RASEF: variants seen among roughly 807,000 people sequenced by gnomAD.
The protein encoded by RASEF is ras and EF-hand domain-containing protein.
RASEF carries 68 observed loss-of-function variants against 90.1 expected under a neutral mutation model. The ratio of observed to expected loss-of-function variants is 0.75; its 90% CI spans 0.62 to 0.92. The LOEUF is 0.92. RASEF is among the 40% of genes least tolerant of loss of function. The pLI, the probability that RASEF is intolerant of heterozygous loss-of-function variation, is 0.00. For missense variants in RASEF, 949 were observed against 937.2 expected (o/e 1.01, Z -0.16); for synonymous variants, 331 against 345.2 (o/e 0.96, Z 0.46).
intron 4 of RASEF, among the ~76,000 whole-genome samples, chr9:83,013,009 T>C (rs1270283034): frequency 1.3e-5 from 2 of 152,198 alleles, no homozygotes; most frequent in Admixed American, 1.3e-4. Flanking sequence ...ATAACTAAAA[T>C]CAATAAAATC....
At position 82,982,607 on chromosome 9, in the gene RASEF, A is replaced by G. The variant is rs1828628692; in HGVS notation, c.*70T>C. 2.2e-6 allele frequency: 2 copies of G among 897,638 alleles called. No homozygotes were observed. The highest frequency in any genetic ancestry group is 3.3e-5 in the African/African-American group (2 of 61,116). The allele number at this position is 897,638 out of a possible 1,614,324, so 55.6% of individuals were successfully genotyped here. On this transcript the variant is annotated 3_prime_UTR_variant, in exon 17 of 17. Coordinates refer to ENST00000376447, the MANE Select transcript of RASEF (RefSeq NM_152573.4). ...GTCAGTAGGATGTGCCACTCTGTTA[A>G]GAGCCAAATAAGTCACACAAATTCA...
At chr9:83,017,198 T>C (rs1211497552) in intron 3 of RASEF, among the ~76,000 whole-genome samples, 1 of 151,642 alleles carries the variant, frequency 6.6e-6, no homozygotes, top group Admixed American at 6.6e-5. Context: ...AGAAATACTT[T>C]ATCCAGGCCA....
Position 82,982,625 on chromosome 9 carries a change from C to G in RASEF, c.*52G>C. ...TCTGTTAAGAGCCAAATAAGTCACACAAATTCAGTATTCTGGAAATGAAGA... is the reference window on the plus strand; with the variant it reads ...TCTGTTAAGAGCCAAATAAGTCACAGAAATTCAGTATTCTGGAAATGAAGA... On this transcript the variant is annotated 3_prime_UTR_variant, in exon 17 of 17. Coordinates refer to ENST00000376447, the MANE Select transcript of RASEF (RefSeq NM_152573.4). 1 of 1,024,558 alleles carries G rather than the reference C, an allele frequency of 9.8e-7. No individual in the cohort carries two copies. The highest frequency in any genetic ancestry group is 1.6e-6 in the Non-Finnish European group (1 of 643,164). 63.5% of individuals were successfully genotyped at this position (1,024,558 alleles called of 1,614,324 possible).
In RASEF at chr9:83,062,631, C is replaced by T. The variant is rs754481862; in HGVS notation, c.237G>A (p.Arg79=). ...RGFLGSLRGG[R]RRDWGPLDPA... is the part of the protein sequence containing the mutation. ...GATCCAGAGGACCCCAGTCCCGGCG[C>T]CGCCCCCCGCGGAGGGACCCGAGGA... The change falls in exon 1 of 17, where the codon CGG becomes CGA. Residue 79 remains arginine (R), a synonymous_variant. Coordinates refer to ENST00000376447, the MANE Select transcript of RASEF (RefSeq NM_152573.4). 1.3e-6 allele frequency: 2 copies of T among 1,553,092 alleles called. No individual in the cohort carries two copies. Among genetic ancestry groups the T allele is most frequent in the African/African-American group, 1.4e-5 (1 of 73,554 alleles).
At chr9:83,112,513 C>T in the RASEF span, among the ~76,000 whole-genome samples, 2,956 of 152,136 alleles carry the variant, frequency 0.019, 42 homozygotes, top group Middle Eastern at 0.062. Context: ...GGAGAAACCC[C>T]GTCTCTACTA....
chr9:83,194,537 CT>C, the RASEF span, among the ~76,000 whole-genome samples: 6 of 152,264 alleles, frequency 3.9e-5, 1 homozygote, highest in Admixed American at 2.6e-4. Context: ...TGGAAAATCA[CT>C]TTTTCCCCCT....
upstream of RASEF, among the ~76,000 whole-genome samples, chr9:83,068,074 A>C (rs1458373901): frequency 6.6e-6 from 1 of 152,112 alleles, no homozygotes; most frequent in South Asian, 2.1e-4. Flanking sequence ...GAGTTTCTCT[A>C]CGTTGCCCAG....
At chr9:83,210,958 A>C in the RASEF span, among the ~76,000 whole-genome samples, 1 of 152,242 alleles carries the variant, frequency 6.6e-6, no homozygotes, top group African/African-American at 2.4e-5. Flanking sequence ...TGAATAATTT[A>C]GTGTAGATTT....
chr9:83,007,359 G>T (rs1213183303), intron 7 of RASEF, 78 bp downstream of exon 7: 1 of 1,160,210 alleles, frequency 8.6e-7, no homozygotes, highest in Non-Finnish European at 1.3e-6. Context: ...GGCAACTCAC[G>T]TTCTATGTGT....
chr9:83,112,894 G>A, the RASEF span, among the ~76,000 whole-genome samples: 1 of 152,052 alleles, frequency 6.6e-6, no homozygotes, highest in East Asian at 1.9e-4. Flanking sequence ...TGTAAACTGT[G>A]TTTATCACTA....
the RASEF span, among the ~76,000 whole-genome samples, chr9:83,174,878 T>G: frequency 6.6e-6 from 1 of 152,158 alleles, no homozygotes; most frequent in Non-Finnish European, 1.5e-5. Context: ...ATTTAGATGC[T>G]TTTAAAAATA....
chr9:83,033,773 G>C (rs549798827), intron 1 of RASEF, among the ~76,000 whole-genome samples: 1 of 152,346 alleles, frequency 6.6e-6, no homozygotes, highest in East Asian at 1.9e-4. Flanking sequence ...TTCAGGAGTT[G>C]TCACCAGCTT....
chr9:83,015,907 GAA>G lies in RASEF; in HGVS notation c.670-9_670-8del. On this transcript the variant is annotated splice_region_variant and splice_polypyrimidine_tract_variant and intron_variant, in intron 3 of 16. Coordinates refer to ENST00000376447, the MANE Select transcript of RASEF (RefSeq NM_152573.4). The stretch of plus-strand genomic sequence containing the variant: ...CCTCAGCTTTGCGTTTTTCCTAAAA[GAA>G]AAAAAAATATGTTGTTCATTTAAAT... 6.3e-7 allele frequency: 1 copy of G among 1,582,208 alleles called. No individual in the cohort carries two copies. The highest frequency in any genetic ancestry group is 1.4e-5 in the African/African-American group (1 of 73,550).
chr9:83,048,363 C>T (rs2118671345), intron 1 of RASEF: 1 of 985,394 alleles, frequency 1.0e-6, no homozygotes, highest in Non-Finnish European at 1.2e-6. Context: ...CTGACCACCA[C>T]TGAGATCTGG....
At chr9:83,189,319 G>A in the RASEF span, among the ~76,000 whole-genome samples, 4 of 152,142 alleles carry the variant, frequency 2.6e-5, no homozygotes, top group East Asian at 5.8e-4. Flanking sequence ...ATGATTCTAA[G>A]TTTCCTGAGG....
the RASEF span, among the ~76,000 whole-genome samples, chr9:83,124,507 G>A: frequency 1.3e-5 from 2 of 152,254 alleles, no homozygotes; most frequent in South Asian, 4.2e-4. Context: ...ATGCTTACTG[G>A]TGAGATTTCA....
chr9:83,020,258 G>A (rs1829417271), intron 3 of RASEF, among the ~76,000 whole-genome samples: 1 of 152,318 alleles, frequency 6.6e-6, no homozygotes, highest in Non-Finnish European at 1.5e-5. Flanking sequence ...AATTTGGGAA[G>A]AAGGAAAGGA....
At chr9:83,072,859 C>A in the RASEF span, among the ~76,000 whole-genome samples, 2 of 152,188 alleles carry the variant, frequency 1.3e-5, no homozygotes, top group Non-Finnish European at 2.9e-5. Flanking sequence ...CAGACACATA[C>A]AGGAACAATA....
chr9:83,112,892 G>C, the RASEF span, among the ~76,000 whole-genome samples: 5 of 152,118 alleles, frequency 3.3e-5, no homozygotes, highest in South Asian at 1.0e-3. Flanking sequence ...GATGTAAACT[G>C]TGTTTATCAC....
Sources: allele counts gnomAD v4.1 joint callset (sites outside exome capture counted in the v4.1 genomes callset), GRCh38; gene constraint gnomAD v4.1.1; transcripts MANE v1.5; gene names NCBI Gene and HGNC (gene_info 2026-07-23, HGNC 2026-07-21).